GRIA3: variants seen among roughly 807,000 people sequenced by gnomAD.
The protein encoded by GRIA3 is glutamate ionotropic receptor AMPA type subunit 3.
A neutral mutation model predicts 63.0 loss-of-function variants in GRIA3; 3 were observed. That is an observed-to-expected ratio of 0.05 (90% CI 0.02 to 0.12). The LOEUF (loss-of-function observed/expected upper bound fraction) is 0.12, where lower values mean the gene tolerates loss of function less well. GRIA3 is among the 10% of genes least tolerant of loss of function. GRIA3 has a pLI of 1.00. For missense variants in GRIA3, 347 were observed against 700.9 expected, an observed-to-expected ratio of 0.50 and a Z score of 5.70; for synonymous variants, 274 against 257.9, an observed-to-expected ratio of 1.06 and a Z score of -0.60.
At chrX:123,306,370 G>A (rs1408016641) in intron 3 of GRIA3, among the ~76,000 whole-genome samples, 1 of 112,000 alleles carries the variant, frequency 8.9e-6, no homozygotes, top group Admixed American at 9.4e-5. Context: ...AAAGAAGGGA[G>A]GGAGTAAATT....
chrX:123,299,009 C>T (rs1216680297), intron 3 of GRIA3, among the ~76,000 whole-genome samples: 1 of 110,687 alleles, frequency 9.0e-6, no homozygotes, highest in African/African-American at 3.3e-5. Flanking sequence ...TTGTTTTTGT[C>T]AGGTTTGTCG....
intron 12 of GRIA3, among the ~76,000 whole-genome samples, chrX:123,456,878 G>A (rs2045764767): frequency 9.0e-6 from 1 of 111,611 alleles, no homozygotes; most frequent in African/African-American, 3.3e-5. Context: ...GGCAGATGGA[G>A]GCCCAAAGCC....
At chrX:123,353,650 T>A (rs2045113544) in intron 4 of GRIA3, among the ~76,000 whole-genome samples, 1 of 111,838 alleles carries the variant, frequency 8.9e-6, no homozygotes, top group African/African-American at 3.3e-5. Context: ...TCATAAAGCT[T>A]AAGCTTAATG....
intron 2 of GRIA3, among the ~76,000 whole-genome samples, chrX:123,211,492 T>C (rs772206218): frequency 8.6e-4 from 96 of 111,320 alleles, no homozygotes; most frequent in African/African-American, 3.0e-3. Context: ...TAGTCAAGAG[T>C]GGGGATTAGG....
At chrX:123,277,839 G>C (rs1181070080) in intron 3 of GRIA3, among the ~76,000 whole-genome samples, 1 of 111,796 alleles carries the variant, frequency 8.9e-6, no homozygotes, top group Non-Finnish European at 1.9e-5. Flanking sequence ...TGACCATCAA[G>C]TAAGACAATG....
At chrX:123,472,757 T>C (rs2045870386) in intron 13 of GRIA3, among the ~76,000 whole-genome samples, 1 of 112,417 alleles carries the variant, frequency 8.9e-6, no homozygotes, top group African/African-American at 3.2e-5. Flanking sequence ...GCTTTACCCA[T>C]GTGTGTAAGA....
chrX:123,368,044 T>C (rs1462284578), intron 5 of GRIA3, among the ~76,000 whole-genome samples: 1 of 111,855 alleles, frequency 8.9e-6, no homozygotes, highest in African/African-American at 3.3e-5. Flanking sequence ...CTACTTCTAC[T>C]CACAACAGCA....
chrX:123,449,914 C>G (rs1352545348), intron 12 of GRIA3, among the ~76,000 whole-genome samples: 1 of 111,777 alleles, frequency 8.9e-6, no homozygotes, highest in Non-Finnish European at 1.9e-5. Context: ...CATTGCCTGC[C>G]TGCCCCAAGA....
At chrX:123,456,809 C>T (rs772056725) in intron 12 of GRIA3, among the ~76,000 whole-genome samples, 5 of 111,603 alleles carry the variant, frequency 4.5e-5, no homozygotes, top group Admixed American at 9.5e-5. Flanking sequence ...GCAACATTTG[C>T]TCCTGAATGT....
intron 5 of GRIA3, among the ~76,000 whole-genome samples, chrX:123,383,069 G>T (rs181172541): frequency 1.0e-3 from 112 of 111,675 alleles, no homozygotes; most frequent in Non-Finnish European, 1.9e-3. Flanking sequence ...ATGGGCAGTT[G>T]GTCAATTTTC....
chrX:123,478,218 C>G (rs1226908598), intron 13 of GRIA3, among the ~76,000 whole-genome samples: 1 of 111,904 alleles, frequency 8.9e-6, no homozygotes, highest in African/African-American at 3.2e-5. Context: ...CAACACTAAA[C>G]TCAGGGCCAT....
intron 2 of GRIA3, among the ~76,000 whole-genome samples, chrX:123,205,317 A>T (rs1294449548): frequency 1.8e-5 from 2 of 112,103 alleles, no homozygotes; most frequent in Non-Finnish European, 3.8e-5. Context: ...TTTGAAGCAC[A>T]TGTCTTTCAG....
chrX:123,322,336 T>A (rs2044873610), intron 3 of GRIA3, among the ~76,000 whole-genome samples: 1 of 112,254 alleles, frequency 8.9e-6, no homozygotes, highest in South Asian at 3.7e-4. Flanking sequence ...AAGAGGAAAG[T>A]GGATAGCGAC....
chrX:123,295,189 C>T (rs188267285), intron 3 of GRIA3, among the ~76,000 whole-genome samples: 103 of 111,627 alleles, frequency 9.2e-4, no homozygotes, highest in Non-Finnish European at 1.7e-3. Flanking sequence ...AAGAGGCAAA[C>T]GATAATTTTT....
At chrX:123,266,711 T>A (rs1217334771) in intron 3 of GRIA3, among the ~76,000 whole-genome samples, 2 of 111,535 alleles carry the variant, frequency 1.8e-5, no homozygotes, top group East Asian at 5.6e-4. Flanking sequence ...TCCAACCCAC[T>A]TTCCTACTCT....
intron 12 of GRIA3, among the ~76,000 whole-genome samples, chrX:123,437,482 T>C (rs2045651382): frequency 9.1e-6 from 1 of 110,305 alleles, no homozygotes; most frequent in African/African-American, 3.3e-5. Flanking sequence ...GAGGCAGCTA[T>C]GTGAAAATCT....
At chrX:123,301,397 T>C (rs1306816226) in intron 3 of GRIA3, among the ~76,000 whole-genome samples, 2 of 111,402 alleles carry the variant, frequency 1.8e-5, no homozygotes, top group Admixed American at 9.6e-5. Flanking sequence ...TCTTGTTGAA[T>C]TGAACCCTTT....
At chrX:123,337,699 C>T (rs1342417251) in intron 4 of GRIA3, among the ~76,000 whole-genome samples, 1 of 111,429 alleles carries the variant, frequency 9.0e-6, no homozygotes, top group East Asian at 2.8e-4. Context: ...AGGTAGCCAA[C>T]GAGGGTACTG....
chrX:123,354,256 C>T, intron 4 of GRIA3, among the ~76,000 whole-genome samples: 1 of 110,741 alleles, frequency 9.0e-6, no homozygotes, highest in Non-Finnish European at 1.9e-5. Context: ...CTAGTAGCAC[C>T]CTTCCCAGTT....
Sources: gnomAD v4.1 joint callset for allele counts (sites outside exome capture counted in the v4.1 genomes callset) on GRCh38, gnomAD v4.1.1 for gene constraint, MANE v1.5 for transcripts, NCBI Gene and HGNC (gene_info 2026-07-23, HGNC 2026-07-21) for gene names.